ZNF519: variants seen among roughly 807,000 people sequenced by gnomAD.
ZNF519 encodes similar to Zinc finger protein 85 (Zinc finger protein HPF4) (HTF1).
ZNF519 carries 7 observed loss-of-function variants against 7.4 expected under a neutral mutation model. The observed-to-expected ratio is 0.94, with a 90% CI of 0.54 to 1.77. The LOEUF (loss-of-function observed/expected upper bound fraction) is 1.77. ZNF519 is among the 40% of genes most tolerant of loss of function. The probability of loss-of-function intolerance (pLI) is 0.00; values close to 1 mark genes in which losing one functional copy is unlikely to be tolerated. For missense variants in ZNF519, 586 were observed against 623.1 expected, an observed-to-expected ratio of 0.94 and a Z score of 0.63; for synonymous variants, 179 against 203.3, an observed-to-expected ratio of 0.88 and a Z score of 1.02.
At chr18:14,091,071 T>C (rs1369539997) in intron 2 of ZNF519, 1 of 152,228 alleles carries the variant, frequency 6.6e-6, no homozygotes, top group East Asian at 1.9e-4. Flanking sequence ...GCATTATTTT[T>C]TGGACTTAGT....
exon 5 of ZNF519, chr18:14,077,046 C>T (rs1261586726): frequency 6.6e-6 from 1 of 152,094 alleles, no homozygotes; most frequent in East Asian, 1.9e-4. Context: ...GAAAATGTCC[C>T]CGACTCTTCT....
At chr18:14,116,027 T>C (rs1284748529) in intron 2 of ZNF519, among the ~76,000 whole-genome samples, 1 of 152,222 alleles carries the variant, frequency 6.6e-6, no homozygotes, top group East Asian at 1.9e-4. Context: ...GTCATGTGGG[T>C]TTGTTGTACA....
At chr18:14,081,636 A>G (rs2046070928) in intron 3 of ZNF519, among the ~76,000 whole-genome samples, 1 of 152,120 alleles carries the variant, frequency 6.6e-6, no homozygotes, top group African/African-American at 2.4e-5. Context: ...AGCCTTCCCC[A>G]GCTTTATGTG....
chr18:14,107,220 G>C (rs1469172390), intron 2 of ZNF519, among the ~76,000 whole-genome samples: 2 of 152,148 alleles, frequency 1.3e-5, no homozygotes, highest in African/African-American at 4.8e-5. Flanking sequence ...AGACAGAAAA[G>C]AGTAAACAGG....
intron 1 of ZNF519, among the ~76,000 whole-genome samples, chr18:14,125,924 G>T (rs763813432): frequency 5.3e-5 from 8 of 152,264 alleles, no homozygotes; most frequent in Non-Finnish European, 1.0e-4. Context: ...GACCTCAAGT[G>T]ATCTGCCCGC....
At chr18:14,120,683 A>C (rs2046265918) in intron 2 of ZNF519, among the ~76,000 whole-genome samples, 1 of 152,206 alleles carries the variant, frequency 6.6e-6, no homozygotes, top group African/African-American at 2.4e-5. Flanking sequence ...AATTCAAAGC[A>C]AAACAATGAT....
At position 14,105,815 on chromosome 18, in the gene ZNF519, T is replaced by A; in HGVS notation, c.725A>T (p.Lys242Ile). The A allele has an allele frequency of 6.2e-7, 1 of 1,602,514 alleles. No individual in the cohort carries two copies. Among genetic ancestry groups the A allele is most frequent in the Non-Finnish European group, 8.5e-7 (1 of 1,176,608 alleles). Residue 242 changes from lysine to isoleucine, a missense_variant, in exon 3 of 3, where the codon AAA (lysine) becomes ATA (isoleucine). Transcript: ENST00000590202. ...IGESSQRCNK[K>I]CIIVFSQSHL... ...TGATTGACTAAAGACTATTATACAT[T>A]TTTTATTACATCTTTGTGAGCTCTC...
chr18:14,118,966 T>A (rs2046258336), intron 2 of ZNF519, among the ~76,000 whole-genome samples: 3 of 152,148 alleles, frequency 2.0e-5, no homozygotes, highest in Admixed American at 2.0e-4. Context: ...ACCTGGTATA[T>A]GGCTCATCAT....
intron 2 of ZNF519, among the ~76,000 whole-genome samples, chr18:14,120,506 C>G (rs545292682): frequency 6.6e-6 from 1 of 151,940 alleles, no homozygotes; most frequent in Non-Finnish European, 1.5e-5. Context: ...GCATATAACA[C>G]CAAAAGCATA....
At chr18:14,107,380 G>A (rs1198391475) in intron 2 of ZNF519, among the ~76,000 whole-genome samples, 2 of 152,254 alleles carry the variant, frequency 1.3e-5, no homozygotes, top group South Asian at 4.1e-4. Flanking sequence ...GCACTGACAA[G>A]ACCCATCAAC....
chr18:14,105,998 T>C lies in ZNF519; in HGVS notation c.542A>G (p.Tyr181Cys). 1.3e-6 allele frequency: 2 copies of C among 1,580,580 alleles called. No homozygotes were observed. The highest frequency in any genetic ancestry group is 2.3e-5 in the South Asian group (2 of 87,278). Residue 181 changes from tyrosine to cysteine, a missense_variant, in exon 3 of 3, where the codon TAC becomes TGC. Coordinates refer to ENST00000590202, the MANE Select transcript of ZNF519 (RefSeq NM_145287.4). ...HHSTHFLENY[Y>C]NCNECEKVFY... ...TACTTTTTCACATTCATTACAATTGTAATAGTTTTCTAGAAAATGAGTACT... is the reference window on the plus strand; with the variant it reads ...TACTTTTTCACATTCATTACAATTGCAATAGTTTTCTAGAAAATGAGTACT...
At chr18:14,098,267 T>A (rs1476099762), downstream of ZNF519, among the ~76,000 whole-genome samples, 10 of 151,878 alleles carry the variant, frequency 6.6e-5, no homozygotes, top group Non-Finnish European at 1.2e-4. Context: ...TTCAGGTAAT[T>A]CTCCTGCCTC....
intron 2 of ZNF519, among the ~76,000 whole-genome samples, chr18:14,093,478 T>A (rs1357485102): frequency 4.6e-5 from 7 of 152,224 alleles, no homozygotes; most frequent in African/African-American, 9.7e-5. Context: ...CTCATATGCA[T>A]CTACATACAC....
intron 2 of ZNF519, among the ~76,000 whole-genome samples, chr18:14,121,494 C>A (rs765259981): frequency 2.0e-5 from 3 of 152,092 alleles, no homozygotes; most frequent in African/African-American, 2.4e-5. Context: ...TCTGAAAAAT[C>A]CATGCCACAC....
At chr18:14,110,889 G>A (rs1356974857) in intron 2 of ZNF519, among the ~76,000 whole-genome samples, 3 of 152,144 alleles carry the variant, frequency 2.0e-5, no homozygotes, top group Admixed American at 1.3e-4. Flanking sequence ...GGGGACTTGA[G>A]GGGGAAGGCT....
rs139597511 is a variant in ZNF519 at position 14,104,924 on chromosome 18, G to A, written c.1616C>T (p.Thr539Ile). 218 of 1,545,878 alleles carry A rather than the reference G, an allele frequency of 1.4e-4. No homozygotes were observed. In the African/African-American group the frequency reaches 2.7e-3, roughly 19 times the overall value. ...STLTQHQIIH[T>I]R ...TTTACACTTGCAGGGTTTCTACCTG[G>A]TATGAATTATTTGATGTTGAGTAAG... The change falls in exon 3 of 3, where the codon ACC becomes ATC. Residue 539 changes from threonine to isoleucine, a missense_variant. Coordinates refer to ENST00000590202, the MANE Select transcript of ZNF519 (RefSeq NM_145287.4).
At chr18:14,108,677 T>G (rs1190461036) in intron 2 of ZNF519, among the ~76,000 whole-genome samples, 6 of 150,834 alleles carry the variant, frequency 4.0e-5, no homozygotes, top group Admixed American at 6.6e-5. Context: ...ACACATAGAT[T>G]AAAAAGATTT....
chr18:14,072,823 GC>G (rs1311493529), downstream of ZNF519: 1 of 152,076 alleles, frequency 6.6e-6, no homozygotes, highest in Non-Finnish European at 1.5e-5. Context: ...CCTTCCCCAG[GC>G]TTTTTGTTCT....
rs1398283314 is a variant in ZNF519 at position 14,132,196 on chromosome 18, AG to A, written c.3+78del. 2.6e-6 allele frequency: 4 copies of A among 1,546,372 alleles called. No individual in the cohort carries two copies. The African/African-American group carries it at 5.4e-5, about 21-fold the overall frequency. ...GAGCTGCAGACTCGACTCGCAGACT[AG>A]GTCCCGTCACCGCCATGTCCAGCCG... is the stretch of plus-strand genomic sequence containing the variant. On this transcript the variant is annotated intron_variant, in intron 1 of 2. Coordinates refer to ENST00000590202, the MANE Select transcript of ZNF519 (RefSeq NM_145287.4).
Sources: allele counts gnomAD v4.1 joint callset (sites outside exome capture counted in the v4.1 genomes callset), GRCh38; gene constraint gnomAD v4.1.1; transcripts MANE v1.5; gene names NCBI Gene and HGNC (gene_info 2026-07-23, HGNC 2026-07-21).